Variants in C1QTNF1 observed in about 807,000 individuals in gnomAD.
C1QTNF1 encodes complement C1q tumor necrosis factor-related protein 1.
Under a neutral mutation model 27.8 loss-of-function variants are expected in C1QTNF1, and 22 were observed. The ratio of observed to expected loss-of-function variants is 0.79; its 90% confidence interval spans 0.56 to 1.13. C1QTNF1 has a LOEUF of 1.13. Ranked by LOEUF, C1QTNF1 falls within the 50% of genes most tolerant of loss-of-function variation. The pLI is 0.00. For synonymous variants in C1QTNF1, 166 were observed against 154.3 expected (o/e 1.08, Z -0.56); for missense variants, 373 against 380.2 (o/e 0.98, Z 0.16).
In C1QTNF1 at chr17:79,047,766, A is replaced by C; in HGVS notation, c.524A>C (p.Tyr175Ser). 1 of 1,614,154 alleles carries C rather than the reference A, an allele frequency of 6.2e-7. No homozygotes were observed. Among genetic ancestry groups the C allele is most frequent in the Non-Finnish European group, 8.5e-7 (1 of 1,180,004 alleles). Residue 175 changes from tyrosine (Y) to serine (S), a missense_variant, in exon 4 of 4, where the codon TAC becomes TCC. Transcript: ENST00000579760. ...VIFDTEFVNL[Y>S]DHFNMFTGKF... ...TTCGACACGGAGTTCGTGAACCTCT[A>C]CGACCACTTCAACATGTTCACCGGC...
At position 79,047,744 on chromosome 17, in the gene C1QTNF1, G is replaced by T. The variant is rs761985796; in HGVS notation, c.502G>T (p.Asp168Tyr). 6.2e-7 allele frequency: 1 copy of T among 1,614,116 alleles called. No individual in the cohort carries two copies. Among genetic ancestry groups the T allele is most frequent in the Admixed American group, 1.7e-5 (1 of 60,026 alleles). ...CCACTACTACCAGACGGTGATCTTC[G>T]ACACGGAGTTCGTGAACCTCTACGA... ...SNHYYQTVIF[D>Y]TEFVNLYDHF... Residue 168 changes from aspartate to tyrosine, a missense_variant, in exon 4 of 4, where the codon GAC (aspartate) becomes TAC (tyrosine). By Grantham distance (160) the Asp-to-Tyr change is radical. Transcript: ENST00000579760.
At position 79,047,978 on chromosome 17, in the gene C1QTNF1, G is replaced by C. The variant is rs1314986143; in HGVS notation, c.736G>C (p.Val246Leu). 1.9e-6 allele frequency: 3 copies of C among 1,613,410 alleles called. No homozygotes were observed. Among genetic ancestry groups the C allele is most frequent in the Non-Finnish European group, 2.5e-6 (3 of 1,179,994 alleles). The stretch of plus-strand genomic sequence containing the variant: ...GCTGGAGCTGCGAGAGCAGGACCAG[G>C]TGTGGGTACGCCTCTACAAGGGCGA... ...LMLELREQDQ[V>L]WVRLYKGERE... is the part of the protein sequence containing the mutation. Residue 246 changes from valine (V) to leucine (L), a missense_variant, in exon 4 of 4, where the codon GTG (valine) becomes CTG (leucine). Coordinates refer to ENST00000579760, the MANE Select transcript of C1QTNF1 (RefSeq NM_030968.5).
intron 1 of C1QTNF1, among the ~76,000 whole-genome samples, chr17:79,042,125 C>T (rs1478569825): frequency 3.3e-5 from 5 of 152,198 alleles, no homozygotes; most frequent in African/African-American, 7.2e-5. Flanking sequence ...GGTGTTCCCA[C>T]GGGGCCTGCG....
rs2145933092 is a variant in C1QTNF1, at chr17:79,046,843, G to T, written c.295+149G>T. The T allele has an allele frequency of 9.5e-7, 1 of 1,051,414 alleles. No individual in the cohort carries two copies. The highest frequency in any genetic ancestry group is 1.6e-5 in the African/African-American group (1 of 62,528). The allele number at this position is 1,051,414 out of a possible 1,614,324, so 65.1% of individuals were successfully genotyped here. On this transcript the variant is annotated intron_variant, in intron 3 of 3. Transcript: ENST00000579760. This position sits in a 1 kb window ranked among gnomAD's most constrained non-coding sequence, Gnocchi z 4.8. ...GAGGCAGGCAGGCTGTCATCTAGAG[G>T]GGAAGGCACAGGAAATTCTGATTTT... is the stretch of plus-strand genomic sequence containing the variant.
At chr17:79,039,899 G>C (rs956475867) in intron 1 of C1QTNF1, among the ~76,000 whole-genome samples, 1 of 151,610 alleles carries the variant, frequency 6.6e-6, no homozygotes, top group Non-Finnish European at 1.5e-5. Context: ...TTTAAAGAAA[G>C]GAAAATCTCT....
upstream of C1QTNF1, among the ~76,000 whole-genome samples, chr17:79,023,701 C>CGCGCGT (rs1555668533): frequency 1.0e-5 from 1 of 96,176 alleles, no homozygotes; most frequent in South Asian, 3.3e-4. Flanking sequence ...GATGCGCGCG[C>CGCGCGT]GCGCACACAC....
chr17:79,025,215 C>T (rs1483446808), intron 1 of C1QTNF1, among the ~76,000 whole-genome samples: 1 of 152,214 alleles, frequency 6.6e-6, no homozygotes, highest in Non-Finnish European at 1.5e-5. Context: ...CGCCCACCAC[C>T]CAGCCCTCCA....
At chr17:79,029,121 G>A (rs2072058704) in intron 1 of C1QTNF1, among the ~76,000 whole-genome samples, 1 of 152,178 alleles carries the variant, frequency 6.6e-6, no homozygotes, top group Non-Finnish European at 1.5e-5. Context: ...ATGAATGCAA[G>A]GGCTCAGCTG....
chr17:79,032,393 G>A (rs931341053), intron 1 of C1QTNF1, among the ~76,000 whole-genome samples: 3 of 152,224 alleles, frequency 2.0e-5, no homozygotes, highest in Non-Finnish European at 4.4e-5. Flanking sequence ...CTCACGCGGG[G>A]TGGGGAAGGG....
intron 1 of C1QTNF1, chr17:79,034,595 G>A (rs1259193995): frequency 6.6e-6 from 1 of 152,266 alleles, no homozygotes; most frequent in African/African-American, 2.4e-5. Context: ...TTTAGGATGG[G>A]AGAATTCTTG....
intron 1 of C1QTNF1, among the ~76,000 whole-genome samples, chr17:79,031,952 A>G (rs2072149770): frequency 6.6e-6 from 1 of 152,238 alleles, no homozygotes; most frequent in African/African-American, 2.4e-5. Flanking sequence ...AGCTGGAATT[A>G]GAGAGAGATT....
Position 79,046,696 on chromosome 17 carries a change from T to C in C1QTNF1, c.295+2T>C, listed in dbSNP as rs1390100097. 6.8e-6 allele frequency: 11 copies of C among 1,613,976 alleles called. No homozygotes were observed. The highest frequency in any genetic ancestry group is 9.3e-6 in the Non-Finnish European group (11 of 1,179,952). ...AGATCAACATCACTATCTTGAAAGG[T>C]CAGATGGCTGCAAAGACAAGCACGG... is the stretch of plus-strand genomic sequence containing the variant. On this transcript the variant is annotated splice_donor_variant, in intron 3 of 3. Coordinates refer to ENST00000579760, the MANE Select transcript of C1QTNF1 (RefSeq NM_030968.5). LOFTEE classifies it high-confidence loss of function. This position sits in a 1 kb window ranked among gnomAD's most constrained non-coding sequence, Gnocchi z 4.8.
At chr17:79,023,247 G>C (rs746375295), upstream of C1QTNF1, among the ~76,000 whole-genome samples, 15 of 151,994 alleles carry the variant, frequency 9.9e-5, no homozygotes, top group Non-Finnish European at 1.0e-4. Flanking sequence ...CAGGGCAGAG[G>C]GGGGAAAAAA....
At chr17:79,042,780 C>T (rs2072447751) in intron 1 of C1QTNF1, among the ~76,000 whole-genome samples, 1 of 152,218 alleles carries the variant, frequency 6.6e-6, no homozygotes, top group South Asian at 2.1e-4. Context: ...GCTCAGCAAC[C>T]CCTCAACACC....
chr17:79,024,101 A>G (rs2145873597), upstream of C1QTNF1: 1 of 152,222 alleles, frequency 6.6e-6, no homozygotes, highest in East Asian at 2.0e-4. Flanking sequence ...CGGGGCACAC[A>G]CGGTTAATCC....
intron 1 of C1QTNF1, chr17:79,041,847 A>C (rs2072418817): frequency 6.6e-6 from 1 of 152,058 alleles, no homozygotes. Context: ...TGTGTGTGGA[A>C]GAAATTCCCG....
chr17:79,043,409 GAGTGTA>G, intron 1 of C1QTNF1: 1 of 380,656 alleles, frequency 2.6e-6, no homozygotes, highest in Non-Finnish European at 5.5e-6. Flanking sequence ...ATGTGAGTGT[GAGTGTA>G]TGTGTGTTGA....
In C1QTNF1 at chr17:79,046,585, C is replaced by G; in HGVS notation, c.186C>G (p.Pro62=). 3 of 1,614,228 alleles carry G rather than the reference C, an allele frequency of 1.9e-6. No homozygotes were observed. The highest frequency in any genetic ancestry group is 2.5e-6 in the Non-Finnish European group (3 of 1,180,036). ...AAGAACAACATGAAAAATACAGGCC[C>G]AGTCAGGACCAGGGGCTCCCTGCTT... ...RAEEQHEKYR[P]SQDQGLPASR... Residue 62 remains proline, a synonymous_variant, in exon 3 of 4, where the codon CCC becomes CCG. Transcript: ENST00000579760. The surrounding 1 kb of genome is among the most constrained non-coding windows in gnomAD (Gnocchi z 4.8).
chr17:79,026,792 A>G (rs759993408), intron 1 of C1QTNF1, among the ~76,000 whole-genome samples: 2 of 152,190 alleles, frequency 1.3e-5, no homozygotes, highest in Non-Finnish European at 2.9e-5. Context: ...GTAGGAGCAG[A>G]GAAAGCCCAA....
Sources: allele counts gnomAD v4.1 joint callset (sites outside exome capture counted in the v4.1 genomes callset), GRCh38; gene constraint gnomAD v4.1.1; non-coding constraint Gnocchi (gnomAD v3.1); transcripts MANE v1.5; gene names NCBI Gene and HGNC (gene_info 2026-07-23, HGNC 2026-07-21).